The following COBLL1 variants were observed in gnomAD, a reference collection of about 807,000 sequenced individuals.
COBLL1 encodes cordon-bleu protein-like 1.
COBLL1 carries 50 observed loss-of-function variants against 94.8 expected under a neutral mutation model. The observed-to-expected ratio is 0.53, with a 90% confidence interval of 0.42 to 0.67. The LOEUF (loss-of-function observed/expected upper bound fraction) is 0.67. Ranked by LOEUF, COBLL1 falls within the 30% of genes least tolerant of loss-of-function variation. COBLL1 has a pLI of 0.00. For synonymous variants in COBLL1, 448 were observed against 473.8 expected (o/e 0.95, Z 0.71); for missense variants, 1,362 against 1,348.7 (o/e 1.01, Z -0.15).
intron 1 of COBLL1, among the ~76,000 whole-genome samples, chr2:164,668,073 C>A (rs867540527): frequency 1.3e-5 from 2 of 151,564 alleles, no homozygotes; most frequent in Non-Finnish European, 2.9e-5. Flanking sequence ...TCATGATTGT[C>A]CTGCCTCAGC....
chr2:164,823,264 G>A lies in COBLL1; in HGVS notation c.41+17892C>T, dbSNP rs141917930. The stretch of plus-strand genomic sequence containing the variant: ...ATATTTTCAATACAATTGGCTGCTA[G>A]TGACCAGCACAGTATCTGACGCATT... On this transcript the variant is annotated intron_variant, in intron 2 of 13. Coordinates refer to ENST00000652658, the MANE Select transcript of COBLL1 (RefSeq NM_001365672.2). 3.8e-3 allele frequency among the ~76,000 whole-genome samples: 573 copies of A among 152,286 alleles called. 1 individual carries two copies. Among genetic ancestry groups the A allele is most frequent in the African/African-American group, 0.013 (555 of 41,550 alleles).
At chr2:164,775,287 T>G (rs1355284610) in intron 2 of COBLL1, among the ~76,000 whole-genome samples, 1 of 152,156 alleles carries the variant, frequency 6.6e-6, no homozygotes, top group Admixed American at 6.5e-5. Flanking sequence ...ATGCCCCTCA[T>G]GCTGCTCCAG....
At chr2:164,744,202 T>C (rs896021168) in intron 2 of COBLL1, among the ~76,000 whole-genome samples, 2 of 152,198 alleles carry the variant, frequency 1.3e-5, no homozygotes, top group Non-Finnish European at 2.9e-5. Flanking sequence ...TTTCTTTGAT[T>C]AGATAAATTA....
chr2:164,721,207 T>C (rs1330393540), intron 7 of COBLL1, among the ~76,000 whole-genome samples: 1 of 152,184 alleles, frequency 6.6e-6, no homozygotes, highest in Non-Finnish European at 1.5e-5. Flanking sequence ...GGAAACAAAA[T>C]CTTTCAACTA....
At chr2:164,819,544 A>G (rs530957226) in intron 2 of COBLL1, among the ~76,000 whole-genome samples, 1 of 152,276 alleles carries the variant, frequency 6.6e-6, no homozygotes, top group South Asian at 2.1e-4. Flanking sequence ...TTTTTAATCA[A>G]ACTGAAAAAT....
intron 2 of COBLL1, among the ~76,000 whole-genome samples, chr2:164,813,488 T>C (rs1372134520): frequency 6.6e-6 from 1 of 152,126 alleles, no homozygotes; most frequent in Non-Finnish European, 1.5e-5. Flanking sequence ...GCTACCATCA[T>C]CCAAATGGAA....
Position 164,695,714 on chromosome 2 carries a change from C to G in COBLL1, c.1678G>C (p.Glu560Gln). The G allele has an allele frequency of 1.9e-6, 3 of 1,613,824 alleles. No individual in the cohort carries two copies. The highest frequency in any genetic ancestry group is 2.5e-6 in the Non-Finnish European group (3 of 1,179,842). ...TGTGCCTCAGAGTTTGATGGTCTCTCAACTTCCATATCAATGTTGTTATTT... is the reference window on the plus strand; with the variant it reads ...TGTGCCTCAGAGTTTGATGGTCTCTGAACTTCCATATCAATGTTGTTATTT... ...AKNNNIDMEV[E>Q]RPSNSEAHET... Residue 560 changes from glutamate to glutamine, a missense_variant, in exon 12 of 14, where the codon GAG becomes CAG. Physicochemically the swap from Glu to Gln is conservative, Grantham distance 29. Transcript: ENST00000652658.
intron 13 of COBLL1, chr2:164,687,905 T>G: frequency 4.3e-6 from 1 of 234,412 alleles, no homozygotes; most frequent in Non-Finnish European, 8.5e-6. Flanking sequence ...TTTTAGGCAT[T>G]TAGAAAACGT....
At chr2:164,750,963 A>C (rs1236917573) in intron 2 of COBLL1, among the ~76,000 whole-genome samples, 1 of 152,170 alleles carries the variant, frequency 6.6e-6, no homozygotes, top group Non-Finnish European at 1.5e-5. Context: ...TCCCAGTTTC[A>C]ATGCCCCATG....
At chr2:164,821,393 G>A (rs752432757) in intron 2 of COBLL1, among the ~76,000 whole-genome samples, 1 of 152,212 alleles carries the variant, frequency 6.6e-6, no homozygotes, top group East Asian at 1.9e-4. Context: ...TTCAAGACAC[G>A]TATTATCAAC....
intron 2 of COBLL1, among the ~76,000 whole-genome samples, chr2:164,805,877 G>A (rs1559034472): frequency 6.6e-6 from 1 of 152,146 alleles, no homozygotes; most frequent in Non-Finnish European, 1.5e-5. Flanking sequence ...CATATAGTAA[G>A]AACGTGTTTA....
chr2:164,841,831 C>G, upstream of COBLL1: 1 of 658,236 alleles, frequency 1.5e-6, no homozygotes, highest in Non-Finnish European at 2.5e-6. The surrounding 1 kb of genome is among the most constrained non-coding windows in gnomAD (Gnocchi z 5.5). Flanking sequence ...AATGGAGAAG[C>G]GGCAACCCCT....
intron 2 of COBLL1, among the ~76,000 whole-genome samples, chr2:164,813,544 A>T (rs721668): frequency 6.6e-6 from 1 of 151,918 alleles, no homozygotes; most frequent in Non-Finnish European, 1.5e-5. Context: ...TGAGTTGGTG[A>T]CCCTTTCAGG....
chr2:164,833,421 C>T (rs1683170682), intron 2 of COBLL1, among the ~76,000 whole-genome samples: 1 of 150,750 alleles, frequency 6.6e-6, no homozygotes, highest in African/African-American at 2.4e-5. Flanking sequence ...ATGAGTTGAG[C>T]TTAATAGGCC....
Position 164,722,417 on chromosome 2 carries a change from ATACT to A in COBLL1, c.759+4_759+7del. ...ATCTTACAAAATGCAATATAAGAAA[ATACT>A]TACTTGGTCTCGCTTTTTCTTACTG... On this transcript the variant is annotated splice_donor_5th_base_variant and intron_variant, in intron 6 of 13. Transcript: ENST00000652658. 2.0e-6 allele frequency: 3 copies of A among 1,511,024 alleles called. No homozygotes were observed. Among genetic ancestry groups the A allele is most frequent in the Middle Eastern group, 1.8e-4 (1 of 5,648 alleles). The allele number at this position is 1,511,024 out of a possible 1,614,324, so 93.6% of individuals were successfully genotyped here.
intron 9 of COBLL1, among the ~76,000 whole-genome samples, chr2:164,702,559 A>C (rs76862258): frequency 1.2e-5 from 1 of 83,078 alleles, no homozygotes; most frequent in East Asian, 2.2e-4. Flanking sequence ...GAGACTCCTC[A>C]AAAAAAAAAA....
At position 164,841,425 on chromosome 2, in the gene COBLL1, CA is replaced by C; in HGVS notation, c.-50-180del. ...CCCGCGGGCGCCGCCGCCGTCTCTA[CA>C]AGGTCTAGCGGGCGCCCAGAGCACG... On this transcript the variant is annotated intron_variant, in intron 1 of 13. Transcript: ENST00000652658. This position sits in a 1 kb window ranked among gnomAD's most constrained non-coding sequence, Gnocchi z 5.5. The C allele has an allele frequency of 2.6e-6, 3 of 1,159,424 alleles. No homozygotes were observed. The highest frequency in any genetic ancestry group is 3.2e-6 in the Non-Finnish European group (3 of 942,154). The allele number at this position is 1,159,424 out of a possible 1,614,324, so 71.8% of individuals were successfully genotyped here. A position where few individuals can be genotyped will look rare whatever the true frequency, so the allele number is the denominator to read the frequency against.
intron 13 of COBLL1, chr2:164,687,911 A>T (rs1384688207): frequency 1.7e-5 from 4 of 233,442 alleles, no homozygotes; most frequent in East Asian, 2.1e-4. Flanking sequence ...GCATTTAGAA[A>T]ACGTATCGAT....
rs142488321 is a variant in COBLL1, at chr2:164,691,009, C to T, written c.3300+1212G>A. 3.4e-4 allele frequency among the ~76,000 whole-genome samples: 52 copies of T among 152,288 alleles called. 1 individual carries two copies. The East Asian group carries it at 9.8e-3, about 29-fold the overall frequency. ...AAAGCTATACCAAATTGTTATGCTG[C>T]CTGGCACCTAAAATCAGACTCTACA... is the stretch of plus-strand genomic sequence containing the variant. On this transcript the variant is annotated intron_variant, in intron 13 of 13. Transcript: ENST00000652658.
Sources: gnomAD v4.1 joint callset for allele counts (sites outside exome capture counted in the v4.1 genomes callset) on GRCh38, gnomAD v4.1.1 for gene constraint, Gnocchi (gnomAD v3.1) non-coding constraint, MANE v1.5 for transcripts, NCBI Gene and HGNC (gene_info 2026-07-23, HGNC 2026-07-21) for gene names.